UBE3D: variants seen among roughly 807,000 people sequenced by gnomAD.
UBE3D encodes ubiquitin protein ligase E3D.
UBE3D carries 48 observed loss-of-function variants against 49.6 expected under a neutral mutation model. That is an observed-to-expected ratio of 0.97 (90% CI 0.77 to 1.23). The LOEUF (loss-of-function observed/expected upper bound fraction) is 1.23, where lower values mean the gene tolerates loss of function less well. UBE3D is among the 50% of genes most tolerant of loss of function. UBE3D has a pLI of 0.00. For missense variants in UBE3D, 452 were observed against 468.4 expected, an observed-to-expected ratio of 0.96 and a Z score of 0.32; for synonymous variants, 189 against 174.2, an observed-to-expected ratio of 1.08 and a Z score of -0.67.
chr6:83,036,313 C>T (rs1194604657), intron 5 of UBE3D: 2 of 152,062 alleles, frequency 1.3e-5, no homozygotes, highest in Admixed American at 6.6e-5. Context: ...CGTGAGCCTC[C>T]GTGCCCGGCC....
chr6:82,949,203 C>T (rs1775613132), intron 9 of UBE3D, among the ~76,000 whole-genome samples: 1 of 151,872 alleles, frequency 6.6e-6, no homozygotes, highest in Non-Finnish European at 1.5e-5. Flanking sequence ...ACAAAAATCA[C>T]TAGGATTTCC....
chr6:83,033,596 C>T (rs188969975), intron 5 of UBE3D, among the ~76,000 whole-genome samples: 2 of 152,208 alleles, frequency 1.3e-5, no homozygotes, highest in East Asian at 1.9e-4. Context: ...GTGTGTAGCA[C>T]CTCCCTTCAT....
At chr6:83,024,602 T>C (rs1781321442) in intron 5 of UBE3D, among the ~76,000 whole-genome samples, 1 of 152,106 alleles carries the variant, frequency 6.6e-6, no homozygotes, top group African/African-American at 2.4e-5. Context: ...AGGGATCCAC[T>C]GGACCCACCG....
At chr6:82,884,377 G>A in the UBE3D span, among the ~76,000 whole-genome samples, 1 of 152,102 alleles carries the variant, frequency 6.6e-6, no homozygotes, top group African/African-American at 2.4e-5. Flanking sequence ...GAGAAAAAAA[G>A]GAATAAAGTG....
intron 5 of UBE3D, among the ~76,000 whole-genome samples, chr6:83,029,888 C>T (rs1170822998): frequency 2.6e-5 from 4 of 152,118 alleles, no homozygotes; most frequent in Admixed American, 2.6e-4. Context: ...TAGCTGTCAG[C>T]AAATAATTTG....
chr6:83,005,695 T>C (rs1409287772), intron 8 of UBE3D, among the ~76,000 whole-genome samples: 2 of 151,440 alleles, frequency 1.3e-5, no homozygotes, highest in East Asian at 1.9e-4. Flanking sequence ...CCAATGTTCA[T>C]AGCAGCACTA....
intron 1 of UBE3D, among the ~76,000 whole-genome samples, chr6:83,062,722 C>T (rs895700754): frequency 6.6e-6 from 1 of 152,150 alleles, no homozygotes; most frequent in Admixed American, 6.5e-5. Context: ...CAGCTTTTTG[C>T]TTTATACAGA....
At chr6:83,057,709 G>A in intron 2 of UBE3D, 117 bp downstream of exon 2, 1 of 962,834 alleles carries the variant, frequency 1.0e-6, no homozygotes, top group Non-Finnish European at 1.6e-6. Context: ...AGCTGACAAA[G>A]ACCCTAGAGC....
At chr6:82,949,803 A>G (rs1775659377) in intron 9 of UBE3D, among the ~76,000 whole-genome samples, 2 of 152,192 alleles carry the variant, frequency 1.3e-5, no homozygotes, top group Non-Finnish European at 2.9e-5. Flanking sequence ...AGAAAACTGG[A>G]TATCCATATG....
chr6:82,887,565 C>T (rs1177848321), downstream of UBE3D, among the ~76,000 whole-genome samples: 8 of 149,772 alleles, frequency 5.3e-5, no homozygotes, highest in African/African-American at 1.7e-4. Context: ...AAAAATTAGC[C>T]GGGCGTGGTG....
intron 9 of UBE3D, among the ~76,000 whole-genome samples, chr6:82,953,197 T>C (rs1775923538): frequency 6.6e-6 from 1 of 152,240 alleles, no homozygotes; most frequent in African/African-American, 2.4e-5. Flanking sequence ...AGGACACCTC[T>C]GCACCTCTAA....
intron 9 of UBE3D, among the ~76,000 whole-genome samples, chr6:82,918,296 A>G (rs1014550175): frequency 6.6e-6 from 1 of 151,962 alleles, no homozygotes; most frequent in South Asian, 2.1e-4. Context: ...ACAACAAAAA[A>G]AAAACAAAAA....
intron 7 of UBE3D, among the ~76,000 whole-genome samples, chr6:83,020,187 A>G (rs1021604076): frequency 2.0e-5 from 3 of 152,230 alleles, no homozygotes; most frequent in Non-Finnish European, 4.4e-5. Context: ...AGACACAGGC[A>G]AAGATTATTT....
At chr6:83,046,136 A>T (rs1408347542) in intron 3 of UBE3D, among the ~76,000 whole-genome samples, 1 of 152,178 alleles carries the variant, frequency 6.6e-6, no homozygotes, top group African/African-American at 2.4e-5. Context: ...CGTTAAGGTG[A>T]TATATGCTAA....
chr6:82,958,867 T>TTA (rs1448554093), intron 8 of UBE3D, among the ~76,000 whole-genome samples: 1 of 152,210 alleles, frequency 6.6e-6, no homozygotes, highest in Non-Finnish European at 1.5e-5. Flanking sequence ...CAAGATGCTT[T>TTA]TATACATTTT....
intron 8 of UBE3D, among the ~76,000 whole-genome samples, chr6:82,978,233 T>C (rs868427969): frequency 2.6e-5 from 4 of 152,188 alleles, no homozygotes; most frequent in South Asian, 4.1e-4. Flanking sequence ...GTCATCTTAA[T>C]AAGTCATGTC....
intron 3 of UBE3D, among the ~76,000 whole-genome samples, chr6:83,050,238 T>G (rs1783379938): frequency 1.2e-5 from 1 of 85,916 alleles, no homozygotes; most frequent in Non-Finnish European, 2.5e-5. Context: ...ACAAGAACCT[T>G]TTTTATTTAA....
chr6:83,057,674 A>G lies in UBE3D; in HGVS notation c.274+152T>C, dbSNP rs1025503020. The G allele has an allele frequency of 1.1e-5, 8 of 704,086 alleles. No homozygotes were observed. The African/African-American group carries it at 1.3e-4, about 11-fold the overall frequency. 43.6% of individuals were successfully genotyped at this position (704,086 alleles called of 1,614,324 possible). On this transcript the variant is annotated intron_variant, in intron 2 of 9. Transcript: ENST00000369747. ...TCAGAAAGGTTAAGTAACATGTTCA[A>G]TTGCATACAGCCAATAACTGGCAGA...
chr6:82,900,156 G>A (rs1406404662), intron 9 of UBE3D, among the ~76,000 whole-genome samples: 3 of 152,230 alleles, frequency 2.0e-5, no homozygotes, highest in Non-Finnish European at 4.4e-5. Flanking sequence ...AATCACCACT[G>A]TGCTGCCCTA....
Sources: allele counts gnomAD v4.1 joint callset (sites outside exome capture counted in the v4.1 genomes callset), GRCh38; gene constraint gnomAD v4.1.1; transcripts MANE v1.5; gene names NCBI Gene and HGNC (gene_info 2026-07-23, HGNC 2026-07-21).